ICAM2: variants seen among roughly 807,000 people sequenced by gnomAD.
The protein encoded by ICAM2 is intercellular adhesion molecule 2.
In ICAM2, 14 loss-of-function variants were observed where a neutral mutation model predicts 19.1. That is an observed-to-expected ratio of 0.73 (90% confidence interval 0.48 to 1.15). ICAM2 has a LOEUF of 1.15. ICAM2 is among the 50% of genes most tolerant of loss of function. ICAM2 has a pLI of 0.00. For synonymous variants in ICAM2, 153 were observed against 152.7 expected (o/e 1.00, Z -0.01); for missense variants, 311 against 355.4 (o/e 0.88, Z 1.00).
At chr17:64,015,571 C>G (rs201285545) in intron 1 of ICAM2, among the ~76,000 whole-genome samples, 1 of 152,072 alleles carries the variant, frequency 6.6e-6, no homozygotes, top group East Asian at 1.9e-4. Context: ...AAAACCCCAT[C>G]TCTACAAAAA....
At chr17:64,018,097 G>T (rs1462460352) in intron 1 of ICAM2, among the ~76,000 whole-genome samples, 1 of 152,052 alleles carries the variant, frequency 6.6e-6, no homozygotes, top group African/African-American at 2.4e-5. Context: ...ACTTTGGGAG[G>T]CCGAGGCGGG....
intron 1 of ICAM2, 24 bp from the exon 2 acceptor site, chr17:64,006,759 G>A: frequency 7.0e-7 from 1 of 1,426,964 alleles, no homozygotes; most frequent in South Asian, 1.2e-5. Flanking sequence ...GTGGGCGCAG[G>A]TCTGAGCTAT....
chr17:64,007,577 A>G (rs536016053), intron 1 of ICAM2, among the ~76,000 whole-genome samples: 1 of 152,082 alleles, frequency 6.6e-6, no homozygotes, highest in African/African-American at 2.4e-5. Flanking sequence ...TCAGTTTTCA[A>G]CCTAGACTTG....
intron 1 of ICAM2, among the ~76,000 whole-genome samples, chr17:64,017,636 C>A (rs987483354): frequency 6.6e-6 from 1 of 152,094 alleles, no homozygotes; most frequent in African/African-American, 2.4e-5. Flanking sequence ...CAAGACGCCC[C>A]TAAAGGAAAT....
chr17:64,010,737 A>G (rs1485605636), intron 1 of ICAM2, among the ~76,000 whole-genome samples: 1 of 152,186 alleles, frequency 6.6e-6, no homozygotes, highest in African/African-American at 2.4e-5. Flanking sequence ...AAAATGGCAA[A>G]TGAGTACACA....
In ICAM2 at chr17:64,005,174, C is replaced by T. The variant is rs751624787; in HGVS notation, c.261G>A (p.Thr87=). The change falls in exon 3 of 5, where the codon ACG becomes ACA. Residue 87 remains threonine, a synonymous_variant. Transcript: ENST00000579788. ...HYLVSNISHD[T]VLQCHFTCSG... The stretch of plus-strand genomic sequence containing the variant: ...AGCAGGTGAAGTGGCATTGGAGGAC[C>T]GTGTCATGGGAGATGTTTGAGACCA... 31 of 1,614,086 alleles carry T rather than the reference C, an allele frequency of 1.9e-5. No individual in the cohort carries two copies. The highest frequency in any genetic ancestry group is 5.0e-5 in the Admixed American group (3 of 60,016).
At chr17:64,011,747 T>C (rs906758203) in intron 1 of ICAM2, among the ~76,000 whole-genome samples, 1 of 151,800 alleles carries the variant, frequency 6.6e-6, no homozygotes, top group African/African-American at 2.4e-5. Context: ...AAAACAATAA[T>C]AATACTTTTT....
intron 1 of ICAM2, among the ~76,000 whole-genome samples, chr17:64,012,369 G>A (rs541274322): frequency 2.7e-4 from 41 of 152,228 alleles, no homozygotes; most frequent in African/African-American, 7.2e-4. Flanking sequence ...AGGCTGAGGC[G>A]GGTGGATCAC....
rs1460480485 is a variant in ICAM2 at position 64,014,335 on chromosome 17, GAAA to G, written c.-45+6185_-45+6187del. Among the ~76,000 whole-genome samples the G allele has an allele frequency of 3.0e-3, 122 of 40,444 alleles. 1 individual carries two copies. The highest frequency in any genetic ancestry group is 4.5e-3 in the Non-Finnish European group (89 of 19,586). The allele number at this position is 40,444 out of a possible 152,430, so 26.5% of individuals were successfully genotyped here. On this transcript the variant is annotated intron_variant, in intron 1 of 4. Coordinates refer to ENST00000579788, the MANE Select transcript of ICAM2 (RefSeq NM_001099789.2). The stretch of plus-strand genomic sequence containing the variant: ...AGAAGGAAGGAAGGAAGGAAGGAAA[GAAA>G]GAAAGAAAGAAAGAAAGAAAGAAAG...
intron 1 of ICAM2, among the ~76,000 whole-genome samples, chr17:64,015,572 T>A (rs1911688945): frequency 6.6e-6 from 1 of 151,926 alleles, no homozygotes; most frequent in Non-Finnish European, 1.5e-5. Context: ...AAACCCCATC[T>A]CTACAAAAAA....
At chr17:64,006,010 G>C (rs1911183974) in intron 2 of ICAM2, 1 of 155,196 alleles carries the variant, frequency 6.4e-6, no homozygotes, top group African/African-American at 2.4e-5. Flanking sequence ...TCACCCAGAT[G>C]GTGACTCTGT....
chr17:64,016,302 G>C (rs1598027286), intron 1 of ICAM2, among the ~76,000 whole-genome samples: 1 of 152,276 alleles, frequency 6.6e-6, no homozygotes, highest in East Asian at 1.9e-4. Flanking sequence ...GTTGGTAATA[G>C]TAGACTTTGG....
chr17:64,005,413 C>CA (rs768982357), intron 2 of ICAM2, 40 bp from the exon 3 acceptor site: 2 of 1,594,088 alleles, frequency 1.3e-6, no homozygotes, highest in Non-Finnish European at 1.7e-6. Flanking sequence ...GTCATCCCCC[C>CA]ACCCCCTGCC....
At chr17:64,019,155 T>A (rs930628753) in intron 1 of ICAM2, among the ~76,000 whole-genome samples, 2 of 152,196 alleles carry the variant, frequency 1.3e-5, no homozygotes, top group Admixed American at 1.3e-4. Flanking sequence ...ATAAAATAAG[T>A]AAATATTTTA....
At chr17:64,014,436 GAA>G (rs1491101593) in intron 1 of ICAM2, among the ~76,000 whole-genome samples, 2 of 109,904 alleles carry the variant, frequency 1.8e-5, no homozygotes, top group African/African-American at 6.5e-5. Context: ...AGGAAGGAAG[GAA>G]GAGAGAGAGA....
chr17:64,018,202 C>T (rs1045052806), intron 1 of ICAM2, among the ~76,000 whole-genome samples: 3 of 151,776 alleles, frequency 2.0e-5, no homozygotes, highest in East Asian at 1.9e-4. Flanking sequence ...GGCATGGTGG[C>T]GGGCACCTGT....
chr17:64,003,016 C>T (rs1910906063), intron 4 of ICAM2, 91 bp from the exon 5 acceptor site: 2 of 1,213,684 alleles, frequency 1.6e-6, no homozygotes, highest in East Asian at 5.0e-5. Context: ...CAACCCAGAC[C>T]CCCAGACCCC....
chr17:64,003,618 A>T, intron 4 of ICAM2, 26 bp downstream of exon 4: 3 of 1,596,606 alleles, frequency 1.9e-6, no homozygotes, highest in Non-Finnish European at 2.6e-6. Context: ...TATCACTCCC[A>T]ACTCCATCCA....
chr17:64,014,386 A>AAGAAAGAAC (rs1555610131), intron 1 of ICAM2, among the ~76,000 whole-genome samples: 1 of 68,640 alleles, frequency 1.5e-5, no homozygotes, highest in South Asian at 6.7e-4. Context: ...AAAGGAAGGA[A>AAGAAAGAAC]GGAAGGAAGG....
Sources: allele counts gnomAD v4.1 joint callset (sites outside exome capture counted in the v4.1 genomes callset), GRCh38; gene constraint gnomAD v4.1.1; transcripts MANE v1.5; gene names NCBI Gene and HGNC (gene_info 2026-07-23, HGNC 2026-07-21).